NAV3: variants seen among roughly 807,000 people sequenced by gnomAD.
NAV3 encodes neuron navigator 3, also known as pore membrane and/or filament interacting like protein 1.
A neutral mutation model predicts 244.7 loss-of-function variants in NAV3; 87 were observed. The observed-to-expected ratio is 0.36, with a 90% CI of 0.30 to 0.42. The LOEUF is 0.42. NAV3 is among the 20% of genes least tolerant of loss of function. NAV3 has a pLI of 1.00. For missense variants in NAV3, 2,663 were observed against 2,893.3 expected (o/e 0.92, Z 1.83); for synonymous variants, 1,126 against 1,042.2 (o/e 1.08, Z -1.55).
chr12:77,945,128 AAAAAAT>A (rs1341492672), intron 3 of NAV3, among the ~76,000 whole-genome samples: 1 of 149,242 alleles, frequency 6.7e-6, no homozygotes, highest in Non-Finnish European at 1.5e-5. Flanking sequence ...AGAGAAAAAA[AAAAAAT>A]AAATAGCTTG....
intron 20 of NAV3, among the ~76,000 whole-genome samples, chr12:78,142,667 AT>A (rs1956668493): frequency 8.4e-6 from 1 of 118,968 alleles, no homozygotes; most frequent in Non-Finnish European, 1.8e-5. Context: ...GTATGTATAT[AT>A]ATACATATAT....
At chr12:77,941,236 T>C in intron 3 of NAV3, 103 bp downstream of exon 3, 1 of 756,252 alleles carries the variant, frequency 1.3e-6, no homozygotes, top group Non-Finnish European at 2.2e-6. Context: ...TCTTCCTGCT[T>C]AAGAAACCAT....
intron 12 of NAV3, among the ~76,000 whole-genome samples, chr12:78,113,523 G>T (rs781645384): frequency 6.6e-6 from 1 of 152,184 alleles, no homozygotes; most frequent in African/African-American, 2.4e-5. Flanking sequence ...AAAGCTTGGG[G>T]CTTTCACCTT....
intron 2 of NAV3, among the ~76,000 whole-genome samples, chr12:77,672,079 T>C (rs1264298662): frequency 6.6e-6 from 1 of 151,628 alleles, no homozygotes; most frequent in African/African-American, 2.4e-5. Flanking sequence ...AGCAATCCCA[T>C]CAAAAAATGG....
chr12:78,105,647 T>A (rs1260651589), intron 12 of NAV3, among the ~76,000 whole-genome samples: 1 of 152,060 alleles, frequency 6.6e-6, no homozygotes, highest in Non-Finnish European at 1.5e-5. Context: ...TTTTAAGGAT[T>A]TTCTATCACA....
rs1021912285 is a variant in NAV3, at chr12:77,994,884, T to C, written c.740+13T>C. 2 of 1,576,448 alleles carry C rather than the reference T, an allele frequency of 1.3e-6. No homozygotes were observed. Among genetic ancestry groups the C allele is most frequent in the Non-Finnish European group, 1.7e-6 (2 of 1,150,220 alleles). ...AAAAGCCTACTAGGTCAGTTAATATTCTCTAATTTATTGCTTATTAGTGAT... is the reference window on the plus strand; with the variant it reads ...AAAAGCCTACTAGGTCAGTTAATATCCTCTAATTTATTGCTTATTAGTGAT... On this transcript the variant is annotated intron_variant, in intron 6 of 39. Coordinates refer to ENST00000397909, the MANE Select transcript of NAV3 (RefSeq NM_001024383.2).
chr12:77,767,965 A>G (rs1869866029), intron 2 of NAV3, among the ~76,000 whole-genome samples: 1 of 152,224 alleles, frequency 6.6e-6, no homozygotes, highest in African/African-American at 2.4e-5. Flanking sequence ...CTGGAGGGTG[A>G]GCAAGGTGAA....
intron 2 of NAV3, among the ~76,000 whole-genome samples, chr12:77,755,652 T>TCCTTTCTC (rs1869131137): frequency 1.7e-5 from 1 of 59,542 alleles, no homozygotes; most frequent in Non-Finnish European, 3.2e-5. Context: ...CTTCCTTCCT[T>TCCTTTCTC]CCTTCCACTC....
intron 1 of NAV3, among the ~76,000 whole-genome samples, chr12:77,831,987 T>C (rs1380171939): frequency 6.6e-6 from 1 of 152,226 alleles, no homozygotes; most frequent in Non-Finnish European, 1.5e-5. Flanking sequence ...TATTGCTCTA[T>C]TACTAATAAT....
intron 1 of NAV3, among the ~76,000 whole-genome samples, chr12:77,906,380 G>C (rs1008215107): frequency 6.6e-6 from 1 of 151,996 alleles, no homozygotes; most frequent in African/African-American, 2.4e-5. Flanking sequence ...TAGGAAAGAC[G>C]AACCTCTGAA....
chr12:77,679,250 C>T (rs1360061209), intron 2 of NAV3, among the ~76,000 whole-genome samples: 1 of 152,078 alleles, frequency 6.6e-6, no homozygotes, highest in Non-Finnish European at 1.5e-5. Context: ...CTGAAGGCCT[C>T]TACTAGGGCA....
intron 2 of NAV3, among the ~76,000 whole-genome samples, chr12:77,587,499 T>C (rs936952230): frequency 4.6e-5 from 7 of 152,186 alleles, no homozygotes; most frequent in African/African-American, 1.7e-4. Context: ...AAGCTCTTTT[T>C]GGAGAGAAAT....
At chr12:77,922,661 C>T (rs1173933068) in intron 1 of NAV3, among the ~76,000 whole-genome samples, 1 of 152,118 alleles carries the variant, frequency 6.6e-6, no homozygotes, top group Non-Finnish European at 1.5e-5. Context: ...CAACCAGAAA[C>T]TTCTTGTTAC....
At chr12:78,018,065 A>G (rs1157242657) in intron 8 of NAV3, among the ~76,000 whole-genome samples, 1 of 152,158 alleles carries the variant, frequency 6.6e-6, no homozygotes, top group Non-Finnish European at 1.5e-5. Flanking sequence ...TACCTTCACC[A>G]TGTTCCTTTC....
intron 2 of NAV3, among the ~76,000 whole-genome samples, chr12:77,823,555 TA>T (rs1872834781): frequency 1.3e-5 from 2 of 152,248 alleles, no homozygotes; most frequent in African/African-American, 4.8e-5. Flanking sequence ...TGTATTTCTT[TA>T]CAAATGGTGC....
At chr12:77,861,608 A>C (rs1333045348) in intron 1 of NAV3, among the ~76,000 whole-genome samples, 1 of 151,840 alleles carries the variant, frequency 6.6e-6, no homozygotes, top group African/African-American at 2.4e-5. Context: ...TCTGCTACAT[A>C]AGCAATAGGA....
At chr12:78,184,151 C>CA (rs983469103) in intron 30 of NAV3, among the ~76,000 whole-genome samples, 3 of 151,770 alleles carry the variant, frequency 2.0e-5, no homozygotes, top group South Asian at 2.1e-4. Flanking sequence ...ATACATACTC[C>CA]AAAAAAACAA....
chr12:77,911,076 A>G (rs1411891620), intron 1 of NAV3, among the ~76,000 whole-genome samples: 1 of 152,098 alleles, frequency 6.6e-6, no homozygotes, highest in African/African-American at 2.4e-5. Context: ...TGTTTACTAT[A>G]GAGATCGTGT....
At chr12:77,578,249 C>T (rs1345107056) in intron 2 of NAV3, among the ~76,000 whole-genome samples, 2 of 152,178 alleles carry the variant, frequency 1.3e-5, no homozygotes, top group African/African-American at 4.8e-5. Context: ...TCAGGACCTA[C>T]ACTAAACCTA....
Sources: gnomAD v4.1 joint callset for allele counts (sites outside exome capture counted in the v4.1 genomes callset) on GRCh38, gnomAD v4.1.1 for gene constraint, MANE v1.5 for transcripts, NCBI Gene and HGNC (gene_info 2026-07-23, HGNC 2026-07-21) for gene names.